THADA: variants seen among roughly 807,000 people sequenced by gnomAD.
THADA encodes the protein tRNA (32-2'-O)-methyltransferase regulator THADA.
Under a neutral mutation model 219.8 loss-of-function variants are expected in THADA, and 213 were observed. The ratio of observed to expected loss-of-function variants is 0.97; its 90% CI spans 0.87 to 1.09. THADA has a LOEUF of 1.09. Ranked by LOEUF, THADA falls within the 50% of genes least tolerant of loss-of-function variation. The probability of loss-of-function intolerance (pLI) is 0.00; values close to 1 mark genes in which losing one functional copy is unlikely to be tolerated. For synonymous variants in THADA, 1,018 were observed against 828.9 expected (o/e 1.23, Z -3.92); for missense variants, 2,956 against 2,311.3 (o/e 1.28, Z -5.72).
intron 36 of THADA, among the ~76,000 whole-genome samples, chr2:43,261,307 T>G (rs1670917160): frequency 6.7e-6 from 1 of 148,438 alleles, no homozygotes; most frequent in Admixed American, 6.8e-5. Flanking sequence ...CACTGCAACT[T>G]CCACCTCCTG....
intron 36 of THADA, among the ~76,000 whole-genome samples, chr2:43,271,067 G>T (rs1382420549): frequency 6.6e-6 from 1 of 152,158 alleles, no homozygotes; most frequent in East Asian, 1.9e-4. Context: ...CTTCCAGATC[G>T]ATTCATGTAG....
intron 26 of THADA, among the ~76,000 whole-genome samples, chr2:43,467,808 G>C (rs1448162384): frequency 1.3e-5 from 2 of 152,138 alleles, no homozygotes; most frequent in Non-Finnish European, 2.9e-5. Flanking sequence ...ACACTGTAGA[G>C]ACTGTCTACA....
At chr2:43,510,970 CA>C (rs1280052544) in intron 22 of THADA, among the ~76,000 whole-genome samples, 1 of 143,854 alleles carries the variant, frequency 7.0e-6, no homozygotes, top group Non-Finnish European at 1.5e-5. Flanking sequence ...GACTCCATCT[CA>C]AAAAAAACTA....
intron 28 of THADA, among the ~76,000 whole-genome samples, chr2:43,410,036 AAGAG>A (rs1445383984): frequency 1.3e-5 from 2 of 150,710 alleles, no homozygotes; most frequent in African/African-American, 4.9e-5. Flanking sequence ...AAAAAAAAAT[AAGAG>A]AGAGAAGAAA....
At chr2:43,518,858 T>G (rs1045433220) in intron 22 of THADA, among the ~76,000 whole-genome samples, 1 of 152,074 alleles carries the variant, frequency 6.6e-6, no homozygotes, top group Non-Finnish European at 1.5e-5. Context: ...TGCTGGACAT[T>G]TACTGCTAAA....
intron 36 of THADA, among the ~76,000 whole-genome samples, chr2:43,235,359 T>C (rs1667915454): frequency 6.6e-6 from 1 of 152,094 alleles, no homozygotes. Context: ...AGTGGCACCA[T>C]CTCGGCTCAC....
Position 43,430,172 on chromosome 2 carries a change from C to T in THADA, c.3926+41G>A, listed in dbSNP as rs1285256537. 4.9e-6 allele frequency: 5 copies of T among 1,012,054 alleles called. No homozygotes were observed. The Admixed American group carries it at 1.3e-4, about 26-fold the overall frequency. 62.7% of individuals were successfully genotyped at this position (1,012,054 alleles called of 1,614,324 possible). On this transcript the variant is annotated intron_variant, in intron 27 of 37. Coordinates refer to ENST00000405975, the MANE Select transcript of THADA (RefSeq NM_022065.5). ...AAATCTCAATTACTAAGGTAATTCA[C>T]ATCCTTGAGGTCATTTTGCCCCACC...
intron 34 of THADA, among the ~76,000 whole-genome samples, 187 bp downstream of exon 34, chr2:43,291,509 G>A (rs1206577863): frequency 3.8e-5 from 5 of 132,238 alleles, no homozygotes; most frequent in African/African-American, 1.5e-4. Context: ...AAGAAAGGTG[G>A]TGTCCAAAGA....
At chr2:43,265,056 G>A (rs1353093416) in intron 36 of THADA, among the ~76,000 whole-genome samples, 1 of 152,218 alleles carries the variant, frequency 6.6e-6, no homozygotes, top group East Asian at 1.9e-4. Context: ...CCCTGAGTGT[G>A]TGCTTGGGAA....
intron 26 of THADA, among the ~76,000 whole-genome samples, chr2:43,466,741 G>C (rs1449774384): frequency 6.6e-6 from 1 of 152,110 alleles, no homozygotes; most frequent in Non-Finnish European, 1.5e-5. Context: ...AACCCTAAGA[G>C]ATATTTTCCC....
chr2:43,241,087 CT>C (rs1042965177), intron 36 of THADA, among the ~76,000 whole-genome samples: 2 of 151,880 alleles, frequency 1.3e-5, no homozygotes, highest in African/African-American at 2.4e-5. Context: ...ACCCCTCTTC[CT>C]TTTTTTTATG....
At chr2:43,381,767 C>T (rs541729420) in intron 29 of THADA, among the ~76,000 whole-genome samples, 13 of 152,002 alleles carry the variant, frequency 8.6e-5, no homozygotes, top group African/African-American at 2.9e-4. Context: ...TTAGTGGAGA[C>T]GGGGTTTCAC....
chr2:43,545,327 A>G (rs1373813177), intron 20 of THADA, among the ~76,000 whole-genome samples: 1 of 151,736 alleles, frequency 6.6e-6, no homozygotes. Flanking sequence ...ATATTGGTCT[A>G]TAATTCTCTT....
chr2:43,433,146 A>G (rs1186275056), intron 26 of THADA, among the ~76,000 whole-genome samples: 1 of 152,034 alleles, frequency 6.6e-6, no homozygotes, highest in Admixed American at 6.5e-5. Flanking sequence ...ATAGTGTGAG[A>G]TAGAGGTCAA....
At chr2:43,296,111 G>A (rs901531545) in intron 31 of THADA, among the ~76,000 whole-genome samples, 1 of 151,764 alleles carries the variant, frequency 6.6e-6, no homozygotes, top group Non-Finnish European at 1.5e-5. Flanking sequence ...GTAGAGACAG[G>A]GTTTTGCCAT....
chr2:43,344,518 A>G (rs1667412888), intron 29 of THADA, among the ~76,000 whole-genome samples: 1 of 152,370 alleles, frequency 6.6e-6, no homozygotes, highest in Non-Finnish European at 1.5e-5. Flanking sequence ...TTTATTAGTT[A>G]CAAACAACCT....
chr2:43,447,515 T>C lies in THADA; in HGVS notation c.3837-17213A>G, dbSNP rs567590320. Reference sequence around the variant, plus strand: ...GATAGCATTTATAGATTCTGGGAATTAGGATCTGAGATCTTTGAAGGGCCA... The same window carrying C: ...GATAGCATTTATAGATTCTGGGAATCAGGATCTGAGATCTTTGAAGGGCCA... On this transcript the variant is annotated intron_variant, in intron 26 of 37. Coordinates refer to ENST00000405975, the MANE Select transcript of THADA (RefSeq NM_022065.5). Among the ~76,000 whole-genome samples, 135 of 152,308 alleles carry C rather than the reference T, an allele frequency of 8.9e-4. 1 individual carries two copies. The highest frequency in any genetic ancestry group is 3.4e-3 in the Middle Eastern group (1 of 294).
chr2:43,584,369 G>A (rs891567669), intron 7 of THADA, among the ~76,000 whole-genome samples: 4 of 152,152 alleles, frequency 2.6e-5, no homozygotes, highest in Middle Eastern at 3.4e-3. Context: ...GGTGGTGGCT[G>A]ACACCAAAGT....
chr2:43,336,950 C>G (rs550847524), intron 30 of THADA, among the ~76,000 whole-genome samples: 1 of 152,182 alleles, frequency 6.6e-6, no homozygotes, highest in Admixed American at 6.5e-5. Context: ...CCCATTGTGG[C>G]CACGTGGGAA....
Sources: allele counts gnomAD v4.1 joint callset (sites outside exome capture counted in the v4.1 genomes callset), GRCh38; gene constraint gnomAD v4.1.1; transcripts MANE v1.5; gene names NCBI Gene and HGNC (gene_info 2026-07-23, HGNC 2026-07-21).